The following MRTFB variants were observed in gnomAD, a reference collection of about 807,000 sequenced individuals.
The protein encoded by MRTFB is myocardin-related transcription factor B.
MRTFB carries 29 observed loss-of-function variants against 104.2 expected under a neutral mutation model. That is an observed-to-expected ratio of 0.28 (90% CI 0.21 to 0.38). The LOEUF (loss-of-function observed/expected upper bound fraction) is 0.38, where lower values mean the gene tolerates loss of function less well. Among genes scored for constraint, MRTFB ranks in the 10% least tolerant of loss-of-function variants. The probability of loss-of-function intolerance (pLI) is 1.00; values close to 1 mark genes in which losing one functional copy is unlikely to be tolerated. For synonymous variants in MRTFB, 535 were observed against 519.5 expected (o/e 1.03, Z -0.41); for missense variants, 1,270 against 1,341.6 (o/e 0.95, Z 0.83).
chr16:14,187,193 C>T (rs1207899277), intron 3 of MRTFB, among the ~76,000 whole-genome samples: 2 of 152,168 alleles, frequency 1.3e-5, no homozygotes, highest in African/African-American at 4.8e-5. Flanking sequence ...TAATGCTGTT[C>T]TGGGTAGCTG....
intron 2 of MRTFB, among the ~76,000 whole-genome samples, chr16:14,106,996 G>A (rs1482130914): frequency 1.3e-5 from 2 of 152,148 alleles, no homozygotes; most frequent in Non-Finnish European, 2.9e-5. Flanking sequence ...GGAGGTCTAG[G>A]CGTAGGTTAC....
At chr16:14,174,402 G>A (rs1437398761) in intron 3 of MRTFB, among the ~76,000 whole-genome samples, 1 of 152,142 alleles carries the variant, frequency 6.6e-6, no homozygotes, top group Non-Finnish European at 1.5e-5. Context: ...TGTCGCCCTG[G>A]CCAGGCACGT....
chr16:14,110,837 T>C (rs558079889), intron 2 of MRTFB, among the ~76,000 whole-genome samples: 19 of 152,116 alleles, frequency 1.2e-4, no homozygotes, highest in Admixed American at 1.1e-3. Context: ...CTTGCCCCTA[T>C]TCCCAGCGTG....
chr16:14,081,198 A>C (rs2034376055), intron 2 of MRTFB, among the ~76,000 whole-genome samples: 1 of 152,078 alleles, frequency 6.6e-6, no homozygotes, highest in South Asian at 2.1e-4. Context: ...CCATTCCAAC[A>C]GGAGTGAGGT....
chr16:14,219,120 C>A, intron 8 of MRTFB, 122 bp downstream of exon 8: 1 of 1,071,616 alleles, frequency 9.3e-7, no homozygotes, highest in Non-Finnish European at 1.2e-6. Context: ...ATTTATTAAG[C>A]AAAAAGCAGG....
At chr16:14,231,277 G>A (rs898952991) in intron 8 of MRTFB, among the ~76,000 whole-genome samples, 2 of 149,238 alleles carry the variant, frequency 1.3e-5, no homozygotes, top group African/African-American at 5.1e-5. Context: ...AAAACTTAAA[G>A]TATAATAATA....
intron 3 of MRTFB, among the ~76,000 whole-genome samples, chr16:14,179,246 T>C (rs1288950832): frequency 1.3e-5 from 2 of 152,242 alleles, no homozygotes; most frequent in East Asian, 1.9e-4. Flanking sequence ...TGATTGCTGC[T>C]TGACACCTGA....
intron 13 of MRTFB, 86 bp downstream of exon 13, chr16:14,249,167 C>T (rs145748887): frequency 1.4e-6 from 2 of 1,452,232 alleles, no homozygotes; most frequent in African/African-American, 2.8e-5. Context: ...TGTAAACGCC[C>T]TGGGAAGTTC....
At position 14,116,009 on chromosome 16, in the gene MRTFB, C is replaced by T. The variant is rs564749029; in HGVS notation, c.-63-24535C>T. On this transcript the variant is annotated intron_variant, in intron 2 of 16. Transcript: ENST00000571589. ...CAATCCATTCTGCAGAGTAATTGGC[C>T]TAAAACAAGTTTGGTTCATATTGCT... Among the ~76,000 whole-genome samples the T allele has an allele frequency of 5.3e-5, 8 of 152,298 alleles. No individual in the cohort carries two copies. The East Asian group carries it at 1.5e-3, about 29-fold the overall frequency.
chr16:14,055,163 C>A, the MRTFB span, among the ~76,000 whole-genome samples: 2 of 152,178 alleles, frequency 1.3e-5, no homozygotes, highest in African/African-American at 4.8e-5. Context: ...ACCAGCCTGA[C>A]CAACATGGAG....
At chr16:14,215,251 T>C (rs1460916433) in intron 6 of MRTFB, among the ~76,000 whole-genome samples, 1 of 152,222 alleles carries the variant, frequency 6.6e-6, no homozygotes, top group Admixed American at 6.5e-5. Flanking sequence ...CCATAAGTGA[T>C]GTTTTTAGGA....
rs766595080 is a variant in MRTFB, at chr16:14,247,074, A to T, written c.1814A>T (p.Glu605Val). ...VEVLKMQLEV[E>V]KRGQQQRPLE... ...GTGCTGAAAATGCAACTTGAGGTTG[A>T]AAAACGAGGGCAGCAGCAGCGGCCC... Residue 605 changes from glutamate to valine, a missense_variant, in exon 12 of 17, where the codon GAA (glutamate) becomes GTA (valine). Transcript: ENST00000571589. 1 of 1,614,184 alleles carries T rather than the reference A, an allele frequency of 6.2e-7. No homozygotes were observed. Among genetic ancestry groups the T allele is most frequent in the Non-Finnish European group, 8.5e-7 (1 of 1,180,036 alleles).
Position 14,240,342 on chromosome 16 carries a change from C to A in MRTFB, c.937C>A (p.Gln313Lys), listed in dbSNP as rs1169674006. The change falls in exon 10 of 17, where the codon CAG (glutamine) becomes AAG (lysine). Residue 313 changes from glutamine (Q) to lysine (K), a missense_variant. Transcript: ENST00000571589. Reference protein sequence around the residue: ...LKYHQYIPPDQKGEKNEPQMD... With the variant: ...LKYHQYIPPDKKGEKNEPQMD... Reference sequence around the variant, plus strand: ...GTACCACCAATACATTCCACCAGATCAGAAGGGTGAGAAGAATGAGCCGCA... The same window carrying A: ...GTACCACCAATACATTCCACCAGATAAGAAGGGTGAGAAGAATGAGCCGCA... 2.2e-5 allele frequency: 36 copies of A among 1,614,072 alleles called. No individual in the cohort carries two copies. The highest frequency in any genetic ancestry group is 2.6e-5 in the Non-Finnish European group (31 of 1,180,032).
the MRTFB span, among the ~76,000 whole-genome samples, chr16:14,007,940 G>A: frequency 6.6e-6 from 1 of 152,112 alleles, no homozygotes; most frequent in Admixed American, 6.5e-5. Flanking sequence ...TTTTATTATT[G>A]AGTGGTAATC....
At chr16:14,161,085 CTTTTTTTTTTT>C (rs57360069) in intron 3 of MRTFB, among the ~76,000 whole-genome samples, 3 of 53,128 alleles carry the variant, frequency 5.6e-5, no homozygotes, top group South Asian at 6.8e-4. Flanking sequence ...AATGCCAGGA[CTTTTTTTTTTT>C]TTTTTTTTTT....
chr16:14,082,618 C>A (rs1440486132), intron 2 of MRTFB, among the ~76,000 whole-genome samples: 1 of 151,834 alleles, frequency 6.6e-6, no homozygotes, highest in East Asian at 1.9e-4. Flanking sequence ...CCTGTTTCTG[C>A]AAAAAATAAA....
the MRTFB span, among the ~76,000 whole-genome samples, chr16:14,061,566 CTTT>C: frequency 1.2e-4 from 12 of 102,618 alleles, no homozygotes; most frequent in East Asian, 9.3e-4. Flanking sequence ...TCAAGGTCAT[CTTT>C]TTTTTTTTTT....
intron 3 of MRTFB, among the ~76,000 whole-genome samples, chr16:14,155,896 T>G (rs540911596): frequency 3.9e-5 from 6 of 152,346 alleles, no homozygotes; most frequent in African/African-American, 1.4e-4. Flanking sequence ...GGCAGGTTTC[T>G]GGAACTCTTT....
chr16:14,072,183 G>A (rs1311285033), intron 1 of MRTFB, among the ~76,000 whole-genome samples: 1 of 152,182 alleles, frequency 6.6e-6, no homozygotes, highest in African/African-American at 2.4e-5. Context: ...TCTCAACCTC[G>A]TCAGAATCAA....
Sources: gnomAD v4.1 joint callset for allele counts (sites outside exome capture counted in the v4.1 genomes callset) on GRCh38, gnomAD v4.1.1 for gene constraint, MANE v1.5 for transcripts, NCBI Gene and HGNC (gene_info 2026-07-23, HGNC 2026-07-21) for gene names.